PDHX: variants seen among roughly 807,000 people sequenced by gnomAD.
The protein encoded by PDHX is pyruvate dehydrogenase complex component X, also known as pyruvate dehydrogenase protein X component, mitochondrial.
A neutral mutation model predicts 55.3 loss-of-function variants in PDHX; 33 were observed. The observed-to-expected ratio is 0.60, with a 90% CI of 0.45 to 0.80. PDHX has a LOEUF of 0.80. Ranked by LOEUF, PDHX falls within the 30% of genes least tolerant of loss-of-function variation. The probability of loss-of-function intolerance (pLI) is 0.00; values close to 1 mark genes in which losing one functional copy is unlikely to be tolerated. For synonymous variants in PDHX, 226 were observed against 219.4 expected, an observed-to-expected ratio of 1.03 and a Z score of -0.27; for missense variants, 622 against 619.9, an observed-to-expected ratio of 1.00 and a Z score of -0.04.
chr11:34,967,810 T>A (rs1855168509), intron 6 of PDHX, among the ~76,000 whole-genome samples: 1 of 152,214 alleles, frequency 6.6e-6, no homozygotes, highest in African/African-American at 2.4e-5. Flanking sequence ...AACAGATTTT[T>A]AAATATCCAT....
At chr11:34,988,617 A>G (rs936663125) in intron 9 of PDHX, among the ~76,000 whole-genome samples, 3 of 152,066 alleles carry the variant, frequency 2.0e-5, no homozygotes, top group Admixed American at 6.6e-5. Flanking sequence ...AATTAACAAG[A>G]AGAATAGCTA....
At chr11:34,987,276 G>A (rs1855667342) in intron 9 of PDHX, among the ~76,000 whole-genome samples, 1 of 152,106 alleles carries the variant, frequency 6.6e-6, no homozygotes, top group East Asian at 1.9e-4. Context: ...CTTGTATGAA[G>A]TACTCTTGCT....
chr11:34,929,377 T>A (rs926792326), intron 1 of PDHX, among the ~76,000 whole-genome samples: 2 of 152,150 alleles, frequency 1.3e-5, no homozygotes, highest in African/African-American at 4.8e-5. Flanking sequence ...ATTACAGGCG[T>A]GTGCCATCAC....
intron 9 of PDHX, among the ~76,000 whole-genome samples, chr11:34,986,335 G>A (rs1322881458): frequency 1.3e-5 from 2 of 150,526 alleles, no homozygotes; most frequent in Non-Finnish European, 3.0e-5. Flanking sequence ...AAGAAAGGTA[G>A]CGTTTATTTG....
At chr11:34,950,777 G>C (rs1172623592) in intron 3 of PDHX, among the ~76,000 whole-genome samples, 1 of 150,458 alleles carries the variant, frequency 6.6e-6, no homozygotes, top group Non-Finnish European at 1.5e-5. Flanking sequence ...GTCTATCATT[G>C]TTGGACATTT....
rs771708416 is a variant in PDHX, at chr11:34,931,387, C to CT, written c.161-10dup. 7.7e-5 allele frequency: 114 copies of CT among 1,484,322 alleles called. No homozygotes were observed. Among genetic ancestry groups the CT allele is most frequent in the East Asian group, 1.1e-4 (5 of 44,144 alleles). 91.9% of individuals were successfully genotyped at this position (1,484,322 alleles called of 1,614,324 possible). On this transcript the variant is annotated splice_polypyrimidine_tract_variant and intron_variant, in intron 1 of 10. Transcript: ENST00000227868. ...CATTATTTGTTGTGGCTCATCTTTC[C>CT]TTTTTTTCAATTTCAGGTGATCCCA...
upstream of PDHX, chr11:34,916,142 C>G (rs1853679580): frequency 6.5e-6 from 10 of 1,527,062 alleles, no homozygotes; most frequent in Non-Finnish European, 8.8e-6. Flanking sequence ...ACGCCCGGCC[C>G]GCTACCCTGC....
chr11:34,944,362 C>T (rs1854572585), intron 2 of PDHX, among the ~76,000 whole-genome samples: 1 of 152,004 alleles, frequency 6.6e-6, no homozygotes. Context: ...TCAGGTGATC[C>T]ACCCACCTCG....
chr11:34,972,498 A>G (rs1267546060), intron 7 of PDHX, among the ~76,000 whole-genome samples: 1 of 151,784 alleles, frequency 6.6e-6, no homozygotes, highest in African/African-American at 2.4e-5. Flanking sequence ...CCTGGGTTCA[A>G]ATGATTCTCA....
chr11:34,925,792 A>G (rs1219594242), intron 1 of PDHX, among the ~76,000 whole-genome samples: 1 of 152,208 alleles, frequency 6.6e-6, no homozygotes, highest in Non-Finnish European at 1.5e-5. Context: ...CTTTTTGAGC[A>G]CTGACATGAT....
At chr11:34,960,335 A>T in intron 4 of PDHX, 85 bp from the exon 5 acceptor site, 3 of 861,736 alleles carry the variant, frequency 3.5e-6, no homozygotes, top group Admixed American at 2.0e-5. Flanking sequence ...TTTTTTAATT[A>T]TTTGCGAAAC....
intron 7 of PDHX, among the ~76,000 whole-genome samples, chr11:34,972,475 T>C (rs1041369931): frequency 2.0e-5 from 3 of 151,692 alleles, no homozygotes; most frequent in Admixed American, 6.6e-5. Context: ...TCGGTTCACT[T>C]CAACCACCGC....
intron 1 of PDHX, 146 bp from the exon 2 acceptor site, chr11:34,931,258 A>T (rs1034194814): frequency 2.2e-4 from 140 of 645,100 alleles, no homozygotes; most frequent in Non-Finnish European, 3.6e-4. Flanking sequence ...TTTACTGGAG[A>T]CTTAGTTTAC....
chr11:34,986,471 A>G (rs1389995871), intron 9 of PDHX, among the ~76,000 whole-genome samples: 1 of 152,126 alleles, frequency 6.6e-6, no homozygotes, highest in Non-Finnish European at 1.5e-5. Flanking sequence ...GTTAAATGAG[A>G]TTAAGTGTTG....
rs1050701739 is a variant in PDHX at position 34,974,728 on chromosome 11, C to T, written c.965-3396C>T. Among the ~76,000 whole-genome samples the T allele has an allele frequency of 9.2e-5, 14 of 152,080 alleles. No individual in the cohort carries two copies. In the South Asian group the frequency reaches 1.0e-3, roughly 11 times the overall value. On this transcript the variant is annotated intron_variant, in intron 7 of 10. Coordinates refer to ENST00000227868, the MANE Select transcript of PDHX (RefSeq NM_003477.3). ...TTCGAGACCTGCCTGGGAAACAGAA[C>T]GAGACCCTATCTCTACAAAAAAATT...
intron 4 of PDHX, among the ~76,000 whole-genome samples, chr11:34,957,850 T>C (rs929135909): frequency 6.6e-5 from 10 of 152,298 alleles, no homozygotes; most frequent in South Asian, 2.1e-4. Flanking sequence ...TGTGTCCATG[T>C]TGAGGTTGAA....
intron 9 of PDHX, among the ~76,000 whole-genome samples, chr11:34,987,567 G>C (rs1383665137): frequency 6.6e-6 from 1 of 151,980 alleles, no homozygotes; most frequent in Non-Finnish European, 1.5e-5. Flanking sequence ...TGTTGAAGTG[G>C]TTTATCTTGT....
At chr11:34,943,362 A>G (rs1854537377) in intron 2 of PDHX, among the ~76,000 whole-genome samples, 1 of 152,188 alleles carries the variant, frequency 6.6e-6, no homozygotes, top group Non-Finnish European at 1.5e-5. Context: ...TGTAGTTCTT[A>G]AAGTGTGGTT....
At chr11:34,985,456 T>C (rs1403923914) in intron 9 of PDHX, among the ~76,000 whole-genome samples, 2 of 152,164 alleles carry the variant, frequency 1.3e-5, no homozygotes, top group Non-Finnish European at 2.9e-5. Context: ...GAAATGGACG[T>C]AATGTTCCAG....
Sources: allele counts gnomAD v4.1 joint callset (sites outside exome capture counted in the v4.1 genomes callset), GRCh38; gene constraint gnomAD v4.1.1; transcripts MANE v1.5; gene names NCBI Gene and HGNC (gene_info 2026-07-23, HGNC 2026-07-21).